The following CD99 variants were observed in gnomAD, a reference collection of about 807,000 sequenced individuals.
CD99 encodes the protein CD99 antigen.
A neutral mutation model predicts 28.4 loss-of-function variants in CD99; 19 were observed. The observed-to-expected ratio is 0.67, with a 90% confidence interval of 0.47 to 0.98. The LOEUF (loss-of-function observed/expected upper bound fraction) is 0.98, where lower values mean the gene tolerates loss of function less well. Ranked by LOEUF, CD99 falls within the 50% of genes least tolerant of loss-of-function variation. The pLI is 0.00. For synonymous variants in CD99, 103 were observed against 92.1 expected (o/e 1.12, Z -0.67); for missense variants, 283 against 248.8 (o/e 1.14, Z -0.92).
intron 1 of CD99, among the ~76,000 whole-genome samples, chrX:2,702,001 G>A (rs1226990066): frequency 6.6e-6 from 1 of 152,212 alleles, no homozygotes; most frequent in African/African-American, 2.4e-5. Flanking sequence ...GAAAGTTTCT[G>A]ATTTAATTAG....
At chrX:2,722,918 A>G (rs1270732584) in intron 6 of CD99, among the ~76,000 whole-genome samples, 1 of 152,162 alleles carries the variant, frequency 6.6e-6, no homozygotes, top group Non-Finnish European at 1.5e-5. Context: ...CACTTTTCTG[A>G]GGGACAGGGC....
Position 2,713,926 on chromosome X carries a change from A to G in CD99, c.68-496A>G, listed in dbSNP as rs1307803637. On this transcript the variant is annotated intron_variant, in intron 1 of 9. Transcript: ENST00000381192. ...ACTGTAGAAACAGGGTAGCCTATCA[A>G]TAATTCAGCATGCCAGTTTCCTCAT... is the stretch of plus-strand genomic sequence containing the variant. Among the ~76,000 whole-genome samples, 9 of 152,224 alleles carry G rather than the reference A, an allele frequency of 5.9e-5. No individual in the cohort carries two copies. The East Asian group carries it at 1.7e-3, about 29-fold the overall frequency.
At chrX:2,705,144 A>G (rs189671830) in intron 1 of CD99, among the ~76,000 whole-genome samples, 2,051 of 152,298 alleles carry the variant, frequency 0.013, 21 homozygotes, top group Middle Eastern at 0.034. Flanking sequence ...ACTATCACCC[A>G]CTGCGTTCAT....
intron 9 of CD99, among the ~76,000 whole-genome samples, chrX:2,740,285 G>A (rs900092274): frequency 9.2e-5 from 14 of 152,234 alleles, no homozygotes; most frequent in Admixed American, 4.6e-4. Context: ...GACTTGAAGG[G>A]CGTGGCATTC....
Position 2,738,200 on chromosome X carries a change from C to A in CD99, c.476C>A (p.Ala159Glu). The A allele has an allele frequency of 8.7e-6, 14 of 1,613,616 alleles. No homozygotes were observed. Among genetic ancestry groups the A allele is most frequent in the Non-Finnish European group, 1.2e-5 (14 of 1,179,604 alleles). The change falls in exon 9 of 10, where the codon GCA (alanine) becomes GAA (glutamate). Residue 159 changes from alanine (A) to glutamate (E), a missense_variant and splice_region_variant. Physicochemically the swap from Ala to Glu is moderately radical, Grantham distance 107. Transcript: ENST00000381192. The stretch of plus-strand genomic sequence containing the variant: ...CTGTGTATTTTCTTCTTCTTTTCAG[C>A]AGAACAAGGGGAGGTGGACATGGAG... ...QKKKLCFKEN[A>E]EQGEVDMESH...
chrX:2,720,046 T>C (rs2048920277), intron 4 of CD99, among the ~76,000 whole-genome samples: 1 of 152,214 alleles, frequency 6.6e-6, no homozygotes, highest in Admixed American at 6.5e-5. Context: ...GGTTTACTGC[T>C]CTGTTGCCGC....
At chrX:2,726,231 A>G (rs780307153) in intron 7 of CD99, 29 bp from the exon 8 acceptor site, 30 of 1,401,488 alleles carry the variant, frequency 2.1e-5, no homozygotes, top group South Asian at 9.2e-5. Flanking sequence ...GCGTGTCTCA[A>G]TCACGATGCT....
intron 1 of CD99, 35 bp from the exon 2 acceptor site, chrX:2,714,381 ATTTTTC>A: frequency 6.8e-7 from 1 of 1,471,624 alleles, no homozygotes; most frequent in Non-Finnish European, 9.4e-7. Flanking sequence ...ATTTATTTTT[ATTTTTC>A]TTGTTTCTAA....
At chrX:2,739,554 A>G (rs1404594860) in intron 9 of CD99, among the ~76,000 whole-genome samples, 1 of 151,854 alleles carries the variant, frequency 6.6e-6, no homozygotes, top group African/African-American at 2.4e-5. Context: ...GTGTCAAGTG[A>G]TTCTCCTTCC....
intron 8 of CD99, among the ~76,000 whole-genome samples, chrX:2,726,770 AT>A (rs2049307247): frequency 6.6e-6 from 1 of 152,090 alleles, no homozygotes; most frequent in Non-Finnish European, 1.5e-5. Context: ...TTTACAACCG[AT>A]GTCATCATCA....
intron 7 of CD99, among the ~76,000 whole-genome samples, chrX:2,725,555 T>C (rs1223349215): frequency 6.6e-6 from 1 of 152,210 alleles, no homozygotes; most frequent in African/African-American, 2.4e-5. Flanking sequence ...TGCTTCTTTA[T>C]CTTCTGCCCC....
intron 8 of CD99, chrX:2,737,834 T>C (rs1486895156): frequency 1.7e-5 from 7 of 401,778 alleles, no homozygotes; most frequent in South Asian, 1.5e-4. Flanking sequence ...CAGTTATAAA[T>C]AAGAATCTTA....
chrX:2,726,811 C>T (rs1424193639), intron 8 of CD99, among the ~76,000 whole-genome samples: 1 of 143,276 alleles, frequency 7.0e-6, no homozygotes, highest in Non-Finnish European at 1.5e-5. Flanking sequence ...GGGGCCGCCA[C>T]GGTCCTTTCT....
intron 1 of CD99, among the ~76,000 whole-genome samples, chrX:2,700,958 C>T (rs746241338): frequency 3.4e-4 from 51 of 149,932 alleles, no homozygotes; most frequent in Non-Finnish European, 6.8e-4. Context: ...TACCTCCATC[C>T]GTCTACCCAC....
chrX:2,707,029 G>A (rs2048152998), intron 1 of CD99, among the ~76,000 whole-genome samples: 2 of 151,990 alleles, frequency 1.3e-5, no homozygotes, highest in South Asian at 4.2e-4. Flanking sequence ...GTGATGATGG[G>A]GTTTAAGATA....
intron 8 of CD99, among the ~76,000 whole-genome samples, chrX:2,736,009 T>C (rs1198233263): frequency 1.3e-5 from 2 of 151,992 alleles, no homozygotes; most frequent in Admixed American, 6.6e-5. Context: ...GAGACCATCC[T>C]GGCTAACATG....
At chrX:2,704,721 C>A (rs1471229027) in intron 1 of CD99, among the ~76,000 whole-genome samples, 1 of 152,096 alleles carries the variant, frequency 6.6e-6, no homozygotes, top group African/African-American at 2.4e-5. Context: ...CCATGCCCTG[C>A]CTATTTTTTG....
intron 8 of CD99, among the ~76,000 whole-genome samples, chrX:2,736,607 C>T (rs1482559807): frequency 1.3e-5 from 2 of 151,942 alleles, no homozygotes; most frequent in East Asian, 1.9e-4. Context: ...CCTGTAATCC[C>T]AGTACTTTGA....
At chrX:2,738,298 G>A in intron 9 of CD99, 42 bp downstream of exon 9, 2 of 1,590,804 alleles carry the variant, frequency 1.3e-6, no homozygotes, top group Non-Finnish European at 1.7e-6. Flanking sequence ...CGTGGCCAGT[G>A]TTCCCATTTT....
Sources: gnomAD v4.1 joint callset for allele counts (sites outside exome capture counted in the v4.1 genomes callset) on GRCh38, gnomAD v4.1.1 for gene constraint, MANE v1.5 for transcripts, NCBI Gene and HGNC (gene_info 2026-07-23, HGNC 2026-07-21) for gene names.